ASTN1: variants seen among roughly 807,000 people sequenced by gnomAD.
ASTN1 encodes the protein astrotactin-1.
ASTN1 carries 41 observed loss-of-function variants against 140.7 expected under a neutral mutation model. The ratio of observed to expected loss-of-function variants is 0.29; its 90% CI spans 0.23 to 0.38. The LOEUF (loss-of-function observed/expected upper bound fraction) is 0.38. ASTN1 is among the 10% of genes least tolerant of loss of function. ASTN1 has a pLI of 1.00. For missense variants in ASTN1, 1,479 were observed against 1,678.8 expected (o/e 0.88, Z 2.08); for synonymous variants, 640 against 652.2 (o/e 0.98, Z 0.29).
chr1:177,091,026 G>A (rs930472640), intron 1 of ASTN1, among the ~76,000 whole-genome samples: 1 of 152,028 alleles, frequency 6.6e-6, no homozygotes, highest in Non-Finnish European at 1.5e-5. Flanking sequence ...TAACAAAGGA[G>A]TGATGAGGCT....
chr1:177,038,953 A>AC (rs990021058), intron 2 of ASTN1, among the ~76,000 whole-genome samples: 5 of 152,246 alleles, frequency 3.3e-5, no homozygotes, highest in South Asian at 4.2e-4. Context: ...CTCTGGTAAC[A>AC]CCCCCATGGA....
Position 177,107,787 on chromosome 1 carries a change from C to T in ASTN1, c.284-46522G>A, listed in dbSNP as rs557377046. On this transcript the variant is annotated intron_variant, in intron 1 of 22. Coordinates refer to ENST00000361833, the MANE Select transcript of ASTN1 (RefSeq NM_004319.3). ...TCCTTCCTGAACTTCTGTAATGATC[C>T]CTCAATAAACTCAATATATTCAATT... Among the ~76,000 whole-genome samples, 8 of 152,234 alleles carry T rather than the reference C, an allele frequency of 5.3e-5. No individual in the cohort carries two copies. In the East Asian group the frequency reaches 1.4e-3, roughly 26 times the overall value.
intron 16 of ASTN1, among the ~76,000 whole-genome samples, chr1:176,921,274 C>T (rs1228061789): frequency 6.6e-6 from 1 of 152,114 alleles, no homozygotes; most frequent in Non-Finnish European, 1.5e-5. Context: ...TCAAAGAGTT[C>T]CATGAGATTC....
intron 1 of ASTN1, among the ~76,000 whole-genome samples, chr1:177,095,089 A>G (rs1268051052): frequency 2.0e-5 from 3 of 152,308 alleles, no homozygotes; most frequent in South Asian, 2.1e-4. Flanking sequence ...ATGAAATTGG[A>G]TATTTAGCCA....
intron 1 of ASTN1, among the ~76,000 whole-genome samples, chr1:177,137,808 T>C (rs1456883499): frequency 6.6e-6 from 1 of 152,226 alleles, no homozygotes; most frequent in Non-Finnish European, 1.5e-5. Context: ...TTGTGATTTA[T>C]GGTGATTTTT....
intron 14 of ASTN1, among the ~76,000 whole-genome samples, chr1:176,943,582 C>A (rs1293120053): frequency 6.6e-6 from 1 of 152,090 alleles, no homozygotes; most frequent in East Asian, 1.9e-4. Context: ...GCCTCTGTGA[C>A]CTGGTCACTT....
chr1:177,004,892 A>C (rs185949314), intron 8 of ASTN1, among the ~76,000 whole-genome samples: 7 of 152,336 alleles, frequency 4.6e-5, no homozygotes, highest in Admixed American at 3.3e-4. Context: ...AAACCTAGGG[A>C]AAACCATCTG....
At chr1:176,931,867 G>A (rs1184006740) in intron 16 of ASTN1, among the ~76,000 whole-genome samples, 3 of 152,192 alleles carry the variant, frequency 2.0e-5, no homozygotes, top group Admixed American at 2.0e-4. Context: ...CTACTCATGA[G>A]AATTCTATGA....
At chr1:176,884,641 A>G (rs1387490323) in intron 18 of ASTN1, 151 bp from the exon 19 acceptor site, 2 of 850,488 alleles carry the variant, frequency 2.4e-6, no homozygotes, top group African/African-American at 1.7e-5. Context: ...AAAAGATAGT[A>G]ATGTTTTTGA....
chr1:177,078,245 G>A (rs967805700), intron 1 of ASTN1, among the ~76,000 whole-genome samples: 6 of 152,172 alleles, frequency 3.9e-5, no homozygotes, highest in African/African-American at 1.4e-4. Context: ...CTGGATCCAG[G>A]TCCACCTGCC....
At chr1:177,014,201 A>G (rs746316576) in intron 8 of ASTN1, among the ~76,000 whole-genome samples, 2 of 152,256 alleles carry the variant, frequency 1.3e-5, no homozygotes, top group African/African-American at 2.4e-5. Flanking sequence ...CAAAATGTAA[A>G]AAATAAAAAC....
chr1:177,154,401 G>A (rs540894026), intron 1 of ASTN1, among the ~76,000 whole-genome samples: 2 of 152,050 alleles, frequency 1.3e-5, no homozygotes, highest in South Asian at 2.1e-4. Flanking sequence ...TCAGTTCCTC[G>A]GTCGTACTAA....
At chr1:176,857,676 G>C (rs1667852954), downstream of ASTN1, 2 of 571,938 alleles carry the variant, frequency 3.5e-6, no homozygotes, top group East Asian at 3.2e-5. Context: ...TGTGGGAAAA[G>C]TTTCAATAGT....
intron 11 of ASTN1, among the ~76,000 whole-genome samples, chr1:176,951,834 A>G (rs1672202633): frequency 6.6e-6 from 1 of 152,228 alleles, no homozygotes; most frequent in Admixed American, 6.5e-5. Context: ...CAAAAATAGT[A>G]TTAATAGCTA....
intron 7 of ASTN1, among the ~76,000 whole-genome samples, chr1:177,020,642 C>T (rs924725756): frequency 8.5e-5 from 13 of 152,220 alleles, no homozygotes; most frequent in African/African-American, 2.4e-4. Context: ...TTCTCCTTTG[C>T]CATGTAACGT....
At chr1:177,082,147 G>T (rs924552507) in intron 1 of ASTN1, among the ~76,000 whole-genome samples, 1 of 152,178 alleles carries the variant, frequency 6.6e-6, no homozygotes, top group Non-Finnish European at 1.5e-5. Flanking sequence ...TGTCAGAAGT[G>T]CATAGGAAAA....
chr1:177,087,271 A>G (rs1285671253), intron 1 of ASTN1, among the ~76,000 whole-genome samples: 1 of 152,192 alleles, frequency 6.6e-6, no homozygotes, highest in Non-Finnish European at 1.5e-5. Context: ...TTGTGTAAAG[A>G]AAGCAGGTTT....
intron 1 of ASTN1, among the ~76,000 whole-genome samples, chr1:177,132,454 AT>A (rs1216220868): frequency 1.3e-5 from 2 of 152,150 alleles, no homozygotes; most frequent in Non-Finnish European, 2.9e-5. Flanking sequence ...CTGCAGCTGA[AT>A]TTTTGCATGC....
chr1:177,077,426 A>G (rs1183130810), intron 1 of ASTN1, among the ~76,000 whole-genome samples: 1 of 152,188 alleles, frequency 6.6e-6, no homozygotes, highest in Non-Finnish European at 1.5e-5. Flanking sequence ...CTTGACTATC[A>G]GCCTTTCTAC....
Sources: gnomAD v4.1 joint callset for allele counts (sites outside exome capture counted in the v4.1 genomes callset) on GRCh38, gnomAD v4.1.1 for gene constraint, MANE v1.5 for transcripts, NCBI Gene and HGNC (gene_info 2026-07-23, HGNC 2026-07-21) for gene names.